PLEKHM2: variants seen among roughly 807,000 people sequenced by gnomAD.
The protein encoded by PLEKHM2 is pleckstrin homology and RUN domain containing M2.
Under a neutral mutation model 116.3 loss-of-function variants are expected in PLEKHM2, and 77 were observed. That is an observed-to-expected ratio of 0.66 (90% CI 0.55 to 0.80). The LOEUF (loss-of-function observed/expected upper bound fraction) is 0.80, where lower values mean the gene tolerates loss of function less well. PLEKHM2 is among the 30% of genes least tolerant of loss of function. PLEKHM2 has a pLI of 0.00. For synonymous variants in PLEKHM2, 562 were observed against 571.0 expected (o/e 0.98, Z 0.22); for missense variants, 1,183 against 1,354.9 (o/e 0.87, Z 1.99).
intron 1 of PLEKHM2, among the ~76,000 whole-genome samples, chr1:15,712,010 C>G (rs1259669362): frequency 3.3e-5 from 5 of 149,968 alleles, no homozygotes; most frequent in East Asian, 2.0e-4. Flanking sequence ...CCCAGCTACT[C>G]AGGAGGCTGA....
In PLEKHM2 at chr1:15,728,366, C is replaced by T. The variant is rs369417226; in HGVS notation, c.1921+9C>T. 8.1e-5 allele frequency: 131 copies of T among 1,608,346 alleles called. 1 individual carries two copies. The highest frequency in any genetic ancestry group is 1.0e-4 in the Admixed American group (6 of 59,830). ...CTACCTGCTCCGGAAAGGTGCCCGCCGCCCCCGGGCAGACAGCGGGTTGTA... is the reference window on the plus strand; with the variant it reads ...CTACCTGCTCCGGAAAGGTGCCCGCTGCCCCCGGGCAGACAGCGGGTTGTA... On this transcript the variant is annotated intron_variant, in intron 11 of 19. Transcript: ENST00000375799. The surrounding 1 kb of genome is among the most constrained non-coding windows in gnomAD (Gnocchi z 5.9).
chr1:15,733,339 C>T (rs1486335868), intron 19 of PLEKHM2, among the ~76,000 whole-genome samples: 1 of 152,278 alleles, frequency 6.6e-6, no homozygotes, highest in African/African-American at 2.4e-5. Context: ...CAGCTGTGCT[C>T]AGATGGGGGG....
chr1:15,706,733 G>T (rs1377182091), intron 1 of PLEKHM2, among the ~76,000 whole-genome samples: 1 of 152,008 alleles, frequency 6.6e-6, no homozygotes, highest in Non-Finnish European at 1.5e-5. Context: ...TCCCTCTGGG[G>T]GCTCCGTATT....
In PLEKHM2 at chr1:15,732,547, G is replaced by A. The variant is rs1557664400; in HGVS notation, c.2805+18G>A. 1 of 1,607,536 alleles carries A rather than the reference G, an allele frequency of 6.2e-7. No individual in the cohort carries two copies. The highest frequency in any genetic ancestry group is 8.5e-7 in the Non-Finnish European group (1 of 1,177,156). On this transcript the variant is annotated intron_variant, in intron 18 of 19. Coordinates refer to ENST00000375799, the MANE Select transcript of PLEKHM2 (RefSeq NM_015164.4). ...GCGTCTTGGTGAGCTTTGAGTGGGGGCGGGGCTGCAAGGCCTGCAGAAGGA... is the reference window on the plus strand; with the variant it reads ...GCGTCTTGGTGAGCTTTGAGTGGGGACGGGGCTGCAAGGCCTGCAGAAGGA...
At position 15,728,312 on chromosome 1, in the gene PLEKHM2, C is replaced by T. The variant is rs768661902; in HGVS notation, c.1876C>T (p.Leu626=). The T allele has an allele frequency of 6.2e-6, 10 of 1,613,138 alleles. No homozygotes were observed. The highest frequency in any genetic ancestry group is 8.5e-6 in the Non-Finnish European group (10 of 1,179,842). ...GCACATGGAGGGCAACCTGCAGCTG[C>T]TGTACGTGCTGCTCACAGACTGCTA... ...TGHMEGNLQL[L]YVLLTDCYVY... is the part of the protein sequence containing the mutation. The change falls in exon 11 of 20, where the codon CTG becomes TTG. Residue 626 remains leucine (L), a synonymous_variant. Transcript: ENST00000375799. This position sits in a 1 kb window ranked among gnomAD's most constrained non-coding sequence, Gnocchi z 5.9.
intron 1 of PLEKHM2, among the ~76,000 whole-genome samples, chr1:15,698,194 T>C (rs1262916874): frequency 6.6e-6 from 1 of 152,086 alleles, no homozygotes; most frequent in African/African-American, 2.4e-5. Context: ...TTTTTCTTTT[T>C]AATATTATTT....
chr1:15,730,745 G>A, intron 15 of PLEKHM2, 23 bp downstream of exon 15: 1 of 1,571,034 alleles, frequency 6.4e-7, no homozygotes, highest in South Asian at 1.2e-5. Context: ...GCAGCTCTAG[G>A]CCTGGGGCTT....
Position 15,729,660 on chromosome 1 carries a change from C to A in PLEKHM2, c.2076-137C>A. ...ACCTGCGTCATTGCCGCACCTGCCG[C>A]CCTGGTCACTGGGTCTAGCCAGGTC... is the stretch of plus-strand genomic sequence containing the variant. On this transcript the variant is annotated intron_variant, in intron 13 of 19. Coordinates refer to ENST00000375799, the MANE Select transcript of PLEKHM2 (RefSeq NM_015164.4). The surrounding 1 kb of genome is among the most constrained non-coding windows in gnomAD (Gnocchi z 4.7). The A allele has an allele frequency of 1.4e-6, 1 of 714,240 alleles. No homozygotes were observed. The highest frequency in any genetic ancestry group is 1.8e-5 in the African/African-American group (1 of 56,818). 44.2% of individuals were successfully genotyped at this position (714,240 alleles called of 1,614,324 possible). A position where few individuals can be genotyped will look rare whatever the true frequency, so the allele number is the denominator to read the frequency against.
In PLEKHM2 at chr1:15,729,062, GC is replaced by G; in HGVS notation, c.1987-39del. 6.4e-7 allele frequency: 1 copy of G among 1,561,966 alleles called. No individual in the cohort carries two copies. Among genetic ancestry groups the G allele is most frequent in the Non-Finnish European group, 8.7e-7 (1 of 1,146,726 alleles). ...AAGCTGCCTTCTCCGCCAGGCAGCA[GC>G]TAAGCCCCAAGTGCATGTCACGGTG... On this transcript the variant is annotated intron_variant, in intron 12 of 19. Coordinates refer to ENST00000375799, the MANE Select transcript of PLEKHM2 (RefSeq NM_015164.4). The surrounding 1 kb of genome is among the most constrained non-coding windows in gnomAD (Gnocchi z 4.7).
intron 3 of PLEKHM2, among the ~76,000 whole-genome samples, chr1:15,717,081 A>G (rs548424313): frequency 1.3e-5 from 2 of 152,166 alleles, no homozygotes; most frequent in African/African-American, 4.8e-5. Flanking sequence ...GTGAGACCCC[A>G]TCTCTACAAA....
rs2068096581 is a variant in PLEKHM2, at chr1:15,728,492, G to A, written c.1921+135G>A. 4 of 985,500 alleles carry A rather than the reference G, an allele frequency of 4.1e-6. No homozygotes were observed. Among genetic ancestry groups the A allele is most frequent in the African/African-American group, 3.2e-5 (2 of 61,774 alleles). 61.0% of individuals were successfully genotyped at this position (985,500 alleles called of 1,614,324 possible). ...GATGGAAAGGCACCCCAAGGAAGGT[G>A]TTGCCAGCAGCCCTGAGACGTGAGC... On this transcript the variant is annotated intron_variant, in intron 11 of 19. Coordinates refer to ENST00000375799, the MANE Select transcript of PLEKHM2 (RefSeq NM_015164.4). The surrounding 1 kb of genome is among the most constrained non-coding windows in gnomAD (Gnocchi z 5.9).
intron 1 of PLEKHM2, among the ~76,000 whole-genome samples, chr1:15,696,324 AACC>A (rs1273415924): frequency 6.6e-6 from 1 of 152,086 alleles, no homozygotes; most frequent in African/African-American, 2.4e-5. Context: ...TCCTCCATAA[AACC>A]ACCTAACAAA....
At position 15,728,082 on chromosome 1, in the gene PLEKHM2, A is replaced by G; in HGVS notation, c.1764A>G (p.Val588=). The part of the protein sequence containing the change: ...SEMVHSSEFR[V]DNNHLLLLMI... The stretch of plus-strand genomic sequence containing the variant: ...CCTCCTGACTTGGCCCTCACAGAGT[A>G]GACAACAATCACCTGCTCCTGCTCA... Residue 588 remains valine (V), a synonymous_variant, in exon 10 of 20, where the codon GTA becomes GTG. Coordinates refer to ENST00000375799, the MANE Select transcript of PLEKHM2 (RefSeq NM_015164.4). The surrounding 1 kb of genome is among the most constrained non-coding windows in gnomAD (Gnocchi z 5.9). 1 of 1,610,108 alleles carries G rather than the reference A, an allele frequency of 6.2e-7. No individual in the cohort carries two copies.
At chr1:15,726,969 T>C (rs1184714856) in intron 8 of PLEKHM2, 45 bp from the exon 9 acceptor site, 3 of 1,329,010 alleles carry the variant, frequency 2.3e-6, no homozygotes, top group Non-Finnish European at 2.0e-6. Flanking sequence ...TCCTCAGCAC[T>C]GGACTACTCA....
chr1:15,733,803 C>T lies in PLEKHM2; in HGVS notation c.2929C>T (p.Leu977Phe), dbSNP rs765188221. 1.2e-6 allele frequency: 2 copies of T among 1,612,824 alleles called. No homozygotes were observed. Among genetic ancestry groups the T allele is most frequent in the Non-Finnish European group, 1.7e-6 (2 of 1,179,694 alleles). The change falls in exon 20 of 20, where the codon CTC becomes TTC. Residue 977 changes from leucine (L) to phenylalanine (F), a missense_variant. Leu to Phe is a conservative substitution (Grantham distance 22). Around this residue, in one of 3 missense-constraint regions of PLEKHM2, gnomAD observed 594 missense variants for 720.1 expected, o/e 0.82. Coordinates refer to ENST00000375799, the MANE Select transcript of PLEKHM2 (RefSeq NM_015164.4). ...SGWKTIYQVD[L>F]PHTAIQEASN... ...TCTGCACGCCCCAACACAGGTGGAC[C>T]TCCCCCACACGGCGATCCAGGAAGC...
Position 15,727,249 on chromosome 1 carries a change from C to G in PLEKHM2, c.1177C>G (p.Leu393Val), listed in dbSNP as rs374197596. 54 of 1,605,130 alleles carry G rather than the reference C, an allele frequency of 3.4e-5. No homozygotes were observed. The East Asian group carries it at 9.4e-4, about 28-fold the overall frequency. ...TESSERSEPG[L>V]LIPEMKDTSM... The stretch of plus-strand genomic sequence containing the variant: ...GAGCAGCGAGCGCTCCGAGCCGGGC[C>G]TGCTGATCCCTGAGATGAAGGACAC... The change falls in exon 9 of 20, where the codon CTG becomes GTG. Residue 393 changes from leucine to valine, a missense_variant. This residue lies in a region of PLEKHM2 where 372 missense variants were observed against 357.2 expected (regional missense o/e 1.04). Transcript: ENST00000375799. The surrounding 1 kb of genome is among the most constrained non-coding windows in gnomAD (Gnocchi z 7.5).
At position 15,734,183 on chromosome 1, in the gene PLEKHM2, T is replaced by C. The variant is rs7553242; in HGVS notation, c.*249T>C. The C allele has an allele frequency of 0.22, 114,124 of 508,296 alleles. 13,548 individuals are homozygous for C. Among genetic ancestry groups the C allele is most frequent in the African/African-American group, 0.31 (15,564 of 50,576 alleles). The allele number at this position is 508,296 out of a possible 1,614,324, so 31.5% of individuals were successfully genotyped here. On this transcript the variant is annotated 3_prime_UTR_variant, in exon 20 of 20. Coordinates refer to ENST00000375799, the MANE Select transcript of PLEKHM2 (RefSeq NM_015164.4). ...CGCTGGGGGCAGAGGGTCCGAGCCC[T>C]GTGGGCTCTGCGGATGCACGCCCTC...
intron 1 of PLEKHM2, among the ~76,000 whole-genome samples, chr1:15,708,071 G>C (rs1027515455): frequency 2.6e-5 from 4 of 152,018 alleles, no homozygotes; most frequent in Non-Finnish European, 5.9e-5. Context: ...TTTTAGTAGA[G>C]ATGGGGTTTC....
At chr1:15,683,592 T>C (rs1203424649), upstream of PLEKHM2, among the ~76,000 whole-genome samples, 2 of 135,856 alleles carry the variant, frequency 1.5e-5, no homozygotes, top group Non-Finnish European at 3.1e-5. Context: ...TGTGGGGGGA[T>C]CCTGTGGGCT....
Sources: allele counts gnomAD v4.1 joint callset (sites outside exome capture counted in the v4.1 genomes callset), GRCh38; gene constraint gnomAD v4.1.1; regional missense constraint gnomAD v4.1.1; non-coding constraint Gnocchi (gnomAD v3.1); transcripts MANE v1.5; gene names NCBI Gene and HGNC (gene_info 2026-07-23, HGNC 2026-07-21).